Variants in C19orf38 observed in about 807,000 individuals in gnomAD.
C19orf38 encodes the protein protein HIDE1.
C19orf38 carries 14 observed loss-of-function variants against 26.6 expected under a neutral mutation model. The observed-to-expected ratio is 0.53, with a 90% confidence interval of 0.35 to 0.82. The LOEUF (loss-of-function observed/expected upper bound fraction) is 0.82. Among genes scored for constraint, C19orf38 ranks in the 40% least tolerant of loss-of-function variants. The probability of loss-of-function intolerance (pLI) is 0.01; values close to 1 mark genes in which losing one functional copy is unlikely to be tolerated. For missense variants in C19orf38, 261 were observed against 299.5 expected (o/e 0.87, Z 0.95); for synonymous variants, 132 against 128.5 (o/e 1.03, Z -0.18).
At chr19:10,861,921 C>T (rs543470390) in intron 5 of C19orf38, among the ~76,000 whole-genome samples, 2 of 148,696 alleles carry the variant, frequency 1.3e-5, no homozygotes, top group Admixed American at 6.7e-5. Flanking sequence ...TGTTTTGAGG[C>T]GGAGTCTCAC....
At chr19:10,867,595 C>T (rs2073764321) in intron 6 of C19orf38, among the ~76,000 whole-genome samples, 1 of 138,046 alleles carries the variant, frequency 7.2e-6, no homozygotes, top group Non-Finnish European at 1.5e-5. Context: ...CCAGCCTGGG[C>T]AACAAGAGCG....
In C19orf38 at chr19:10,842,747, A is replaced by C. The variant is rs544227783; in HGVS notation, c.-68-5694A>C. 1.2e-4 allele frequency among the ~76,000 whole-genome samples: 19 copies of C among 152,128 alleles called. 1 individual carries two copies. The highest frequency in any genetic ancestry group is 4.1e-4 in the African/African-American group (17 of 41,498). On this transcript the variant is annotated intron_variant, in intron 1 of 7. Coordinates refer to the C19orf38 transcript ENST00000592854. ...GAGAGACCCTGTCTCAAAAAAAAAAACCAGAATTCCAGGTTGTAGATTCCT... is the reference window on the plus strand; with the variant it reads ...GAGAGACCCTGTCTCAAAAAAAAAACCCAGAATTCCAGGTTGTAGATTCCT...
At chr19:10,861,952 G>A (rs2073702704) in intron 5 of C19orf38, among the ~76,000 whole-genome samples, 1 of 151,736 alleles carries the variant, frequency 6.6e-6, no homozygotes, top group Non-Finnish European at 1.5e-5. Flanking sequence ...AGGCTGGAGT[G>A]CGGTGACGCG....
chr19:10,841,928 A>G, intron 1 of C19orf38: 1 of 1,607,518 alleles, frequency 6.2e-7, no homozygotes, highest in Non-Finnish European at 8.5e-7. Context: ...GGCAACTCCT[A>G]GGATTTGTCA....
rs975082893 is a variant in C19orf38, at chr19:10,869,617, T to C, written c.*250T>C. 4.0e-6 allele frequency: 2 copies of C among 500,174 alleles called. No homozygotes were observed. The highest frequency in any genetic ancestry group is 8.0e-5 in the Admixed American group (2 of 24,878). The allele number at this position is 500,174 out of a possible 1,614,324, so 31.0% of individuals were successfully genotyped here. ...TCCTCAGGACCACCAGAGAAGGAGATGTCAGGACCCCTTCTTGTCCCCCAG... is the reference window on the plus strand; with the variant it reads ...TCCTCAGGACCACCAGAGAAGGAGACGTCAGGACCCCTTCTTGTCCCCCAG... On this transcript the variant is annotated 3_prime_UTR_variant, in exon 7 of 7. Coordinates refer to ENST00000397820, the MANE Select transcript of C19orf38 (RefSeq NM_001136482.3).
At chr19:10,860,815 TG>T (rs1307841993) in intron 5 of C19orf38, among the ~76,000 whole-genome samples, 34 of 117,316 alleles carry the variant, frequency 2.9e-4, no homozygotes, top group South Asian at 5.4e-4. Flanking sequence ...TACTCCAGCC[TG>T]GGCGACAGAG....
chr19:10,861,972 C>T (rs1002505971), intron 5 of C19orf38, among the ~76,000 whole-genome samples: 1 of 150,756 alleles, frequency 6.6e-6, no homozygotes, highest in South Asian at 2.1e-4. Flanking sequence ...GATCTGGGCT[C>T]ACTGCAAGCT....
chr19:10,864,110 G>C (rs1306070886), intron 6 of C19orf38, among the ~76,000 whole-genome samples: 2 of 152,030 alleles, frequency 1.3e-5, no homozygotes, highest in Non-Finnish European at 2.9e-5. Context: ...GCCCAGGCTG[G>C]AGCACAGTGG....
intron 2 of C19orf38, among the ~76,000 whole-genome samples, chr19:10,855,275 C>G (rs1378912115): frequency 6.6e-6 from 1 of 151,956 alleles, no homozygotes; most frequent in Non-Finnish European, 1.5e-5. Context: ...TCAGGTGATC[C>G]ACCCACCTCA....
chr19:10,848,572 C>A, intron 1 of C19orf38, 33 bp downstream of exon 1: 1 of 1,326,868 alleles, frequency 7.5e-7, no homozygotes, highest in Non-Finnish European at 1.0e-6. Context: ...AGATCCCCCA[C>A]GCCTTTCCCC....
At position 10,859,375 on chromosome 19, in the gene C19orf38, TATATATA is replaced by T. The variant is rs1313358788; in HGVS notation, c.462-539_462-533del. 4.7e-5 allele frequency among the ~76,000 whole-genome samples: 2 copies of T among 42,802 alleles called. 1 individual carries two copies. The highest frequency in any genetic ancestry group is 2.2e-4 in the African/African-American group (2 of 9,196). 28.1% of individuals were successfully genotyped at this position (42,802 alleles called of 152,430 possible). On this transcript the variant is annotated intron_variant, in intron 4 of 6. Coordinates refer to ENST00000397820, the MANE Select transcript of C19orf38 (RefSeq NM_001136482.3). ...ATATATATATATATATATATATATA[TATATATA>T]TATTTTTTTTTTTTTTTTTAGACGG...
chr19:10,868,639 G>T (rs2073775068), intron 6 of C19orf38, among the ~76,000 whole-genome samples: 1 of 151,962 alleles, frequency 6.6e-6, no homozygotes, highest in Admixed American at 6.6e-5. Context: ...TCAGCCTCCC[G>T]AGTAGCTGGG....
At chr19:10,857,465 G>A (rs1042226463) in intron 3 of C19orf38, among the ~76,000 whole-genome samples, 13 of 146,648 alleles carry the variant, frequency 8.9e-5, no homozygotes, top group African/African-American at 3.3e-4. Flanking sequence ...CCAGCCTGGA[G>A]TGCAGTGGCA....
chr19:10,856,580 T>C (rs1253746604), intron 3 of C19orf38, among the ~76,000 whole-genome samples: 1 of 152,050 alleles, frequency 6.6e-6, no homozygotes, highest in Non-Finnish European at 1.5e-5. Flanking sequence ...CTCGGCCCAC[T>C]GCAACCTCCG....
intron 2 of C19orf38, among the ~76,000 whole-genome samples, chr19:10,853,538 G>A (rs1380879022): frequency 1.3e-5 from 2 of 150,666 alleles, no homozygotes; most frequent in African/African-American, 2.4e-5. Flanking sequence ...TGCCTGCCTC[G>A]GCCTCACAAA....
chr19:10,860,710 G>A (rs1191360669), intron 5 of C19orf38, among the ~76,000 whole-genome samples: 7 of 150,562 alleles, frequency 4.6e-5, no homozygotes, highest in Admixed American at 1.3e-4. Context: ...GCGTGGTGGC[G>A]GGTGCCTGTA....
intron 4 of C19orf38, 93 bp downstream of exon 4, chr19:10,858,436 C>T (rs140887488): frequency 0.01 from 12,526 of 1,245,556 alleles, 102 homozygotes; most frequent in Non-Finnish European, 0.013. Flanking sequence ...CCACAAACAG[C>T]GCCTCCTGGT....
At chr19:10,869,086 G>T (rs2073778573) in intron 6 of C19orf38, 132 bp from the exon 7 acceptor site, 1 of 1,156,262 alleles carries the variant, frequency 8.6e-7, no homozygotes. Context: ...ACCAGGACAG[G>T]TGGGTGTGGG....
intron 5 of C19orf38, among the ~76,000 whole-genome samples, chr19:10,860,629 C>A (rs372527107): frequency 1.4e-5 from 2 of 146,248 alleles, no homozygotes; most frequent in East Asian, 2.1e-4. Context: ...ATCACGAGGT[C>A]AGGAGATCGA....
Sources: gnomAD v4.1 joint callset for allele counts (sites outside exome capture counted in the v4.1 genomes callset) on GRCh38, gnomAD v4.1.1 for gene constraint, MANE v1.5 for transcripts, NCBI Gene and HGNC (gene_info 2026-07-23, HGNC 2026-07-21) for gene names.